The following IGF2BP2 variants were observed in gnomAD, a reference collection of about 807,000 sequenced individuals.
IGF2BP2 encodes the protein insulin-like growth factor 2 mRNA-binding protein 2.
A neutral mutation model predicts 75.8 loss-of-function variants in IGF2BP2; 17 were observed. That is an observed-to-expected ratio of 0.22 (90% confidence interval 0.15 to 0.34). The LOEUF is 0.34. IGF2BP2 is among the 10% of genes least tolerant of loss of function. The pLI is 1.00. For missense variants in IGF2BP2, 516 were observed against 772.4 expected, an observed-to-expected ratio of 0.67 and a Z score of 3.93; for synonymous variants, 288 against 295.6, an observed-to-expected ratio of 0.97 and a Z score of 0.26.
chr3:185,812,184 C>T (rs1739983537), intron 2 of IGF2BP2, among the ~76,000 whole-genome samples: 1 of 152,148 alleles, frequency 6.6e-6, no homozygotes, highest in African/African-American at 2.4e-5. Context: ...CCTTACACAA[C>T]AGATAAGAGG....
chr3:185,758,360 C>G (rs1378293867), intron 2 of IGF2BP2, among the ~76,000 whole-genome samples: 1 of 152,194 alleles, frequency 6.6e-6, no homozygotes, highest in Non-Finnish European at 1.5e-5. Context: ...GGCTTCGGAA[C>G]TAAGAAAACC....
chr3:185,815,124 C>G lies in IGF2BP2; in HGVS notation c.239+8029G>C, dbSNP rs150969470. On this transcript the variant is annotated intron_variant, in intron 2 of 15. Coordinates refer to ENST00000382199, the MANE Select transcript of IGF2BP2 (RefSeq NM_006548.6). ...ACTGCATACATGTATGTTTTTTACA[C>G]TTAACTGTCAACCACAATGATTTTT... 1.0e-3 allele frequency among the ~76,000 whole-genome samples: 157 copies of G among 152,158 alleles called. 1 individual carries two copies. Among genetic ancestry groups the G allele is most frequent in the African/African-American group, 3.6e-3 (148 of 41,516 alleles).
intron 2 of IGF2BP2, among the ~76,000 whole-genome samples, chr3:185,763,990 A>G (rs1423968634): frequency 6.6e-6 from 1 of 152,150 alleles, no homozygotes; most frequent in Non-Finnish European, 1.5e-5. Flanking sequence ...GGGCAGAGAG[A>G]GAAGAGGGTG....
At chr3:185,681,791 AG>A (rs1241647862) in intron 7 of IGF2BP2, among the ~76,000 whole-genome samples, 1 of 152,242 alleles carries the variant, frequency 6.6e-6, no homozygotes, top group Admixed American at 6.5e-5. Context: ...ATTTTTGATA[AG>A]GTGCTGAGAC....
At chr3:185,760,396 T>G (rs1002826477) in intron 2 of IGF2BP2, among the ~76,000 whole-genome samples, 3 of 152,210 alleles carry the variant, frequency 2.0e-5, no homozygotes, top group Admixed American at 6.5e-5. Context: ...TATTGAGATG[T>G]AATTCACATC....
intron 11 of IGF2BP2, 79 bp from the exon 12 acceptor site, chr3:185,657,481 T>C: frequency 9.1e-7 from 1 of 1,098,618 alleles, no homozygotes; most frequent in Non-Finnish European, 1.4e-6. Context: ...ACCAAGCACC[T>C]TACCATGAAC....
chr3:185,731,622 G>C (rs952972627), intron 2 of IGF2BP2, among the ~76,000 whole-genome samples: 1 of 152,144 alleles, frequency 6.6e-6, no homozygotes, highest in African/African-American at 2.4e-5. Context: ...TTCTCGGCAA[G>C]TAAGTTTCAA....
At chr3:185,755,099 CAT>C (rs2149660173) in intron 2 of IGF2BP2, among the ~76,000 whole-genome samples, 1 of 152,324 alleles carries the variant, frequency 6.6e-6, no homozygotes, top group East Asian at 1.9e-4. Context: ...GCCTCAAAGC[CAT>C]TTCAGAAATC....
At chr3:185,696,028 C>T (rs1310442224) in intron 4 of IGF2BP2, among the ~76,000 whole-genome samples, 1 of 152,212 alleles carries the variant, frequency 6.6e-6, no homozygotes, top group Non-Finnish European at 1.5e-5. Context: ...CTCATGTGAT[C>T]TGCCCACCTG....
intron 2 of IGF2BP2, among the ~76,000 whole-genome samples, chr3:185,734,239 T>C (rs1282947153): frequency 6.6e-6 from 1 of 152,176 alleles, no homozygotes; most frequent in African/African-American, 2.4e-5. Flanking sequence ...ATACTTTATC[T>C]CATTCAATTC....
At chr3:185,686,137 A>C in intron 7 of IGF2BP2, among the ~76,000 whole-genome samples, 1 of 152,128 alleles carries the variant, frequency 6.6e-6, no homozygotes, top group East Asian at 1.9e-4. Context: ...TAATCCCAGC[A>C]CTTTGGGAGG....
intron 14 of IGF2BP2, 37 bp downstream of exon 14, chr3:185,649,366 T>A (rs1714168675): frequency 1.4e-5 from 22 of 1,608,942 alleles, no homozygotes; most frequent in Non-Finnish European, 1.9e-5. Flanking sequence ...GCGGGGAATC[T>A]GACCCAGGTG....
rs1299919668 is a variant in IGF2BP2, at chr3:185,825,036, TCTC to T, written c.-79_-77del. ...CCTCGCCTCCTCCGCTGCCCTCGTC[TCTC>T]CTCCTCCTCCGCCCCCCCTCCCCGC... On this transcript the variant is annotated 5_prime_UTR_variant, in exon 1 of 16. Coordinates refer to ENST00000382199, the MANE Select transcript of IGF2BP2 (RefSeq NM_006548.6). 166 of 1,215,924 alleles carry T rather than the reference TCTC, an allele frequency of 1.4e-4. No homozygotes were observed. Among genetic ancestry groups the T allele is most frequent in the South Asian group, 2.3e-4 (12 of 53,060 alleles). The allele number at this position is 1,215,924 out of a possible 1,614,324, so 75.3% of individuals were successfully genotyped here.
In IGF2BP2 at chr3:185,681,717, C is replaced by T. The variant is rs1720413675; in HGVS notation, c.812+5340G>A. Among the ~76,000 whole-genome samples, 2 of 152,098 alleles carry T rather than the reference C, an allele frequency of 1.3e-5. 1 individual carries two copies. The highest frequency in any genetic ancestry group is 4.1e-4 in the South Asian group (2 of 4,828). ...AAACAGTGTAGTACTGGCATAAAAA[C>T]AGATAAATAGACCAATGAAATAGAA... On this transcript the variant is annotated intron_variant, in intron 7 of 15. Coordinates refer to ENST00000382199, the MANE Select transcript of IGF2BP2 (RefSeq NM_006548.6).
chr3:185,764,578 G>C (rs1270379985), intron 2 of IGF2BP2, among the ~76,000 whole-genome samples: 1 of 152,210 alleles, frequency 6.6e-6, no homozygotes, highest in Non-Finnish European at 1.5e-5. Flanking sequence ...AGGAAGGGGA[G>C]TCTTGTCTTG....
rs1336648729 is a variant in IGF2BP2, at chr3:185,823,558, GC to G, written c.179-346del. ...CTGGCGCGGCCCCGCTGCTCTCCCGGCCCCCACCTCTCCATTCCGCTAATCC... is the reference window on the plus strand; with the variant it reads ...CTGGCGCGGCCCCGCTGCTCTCCCGGCCCCACCTCTCCATTCCGCTAATCC... On this transcript the variant is annotated intron_variant, in intron 1 of 15. Transcript: ENST00000382199. Among the ~76,000 whole-genome samples the G allele has an allele frequency of 2.0e-5, 3 of 152,094 alleles. No individual in the cohort carries two copies. The South Asian group carries it at 6.2e-4, about 31-fold the overall frequency.
intron 2 of IGF2BP2, among the ~76,000 whole-genome samples, chr3:185,758,670 A>C (rs1478403787): frequency 6.6e-6 from 1 of 152,202 alleles, no homozygotes; most frequent in African/African-American, 2.4e-5. Flanking sequence ...CTTTCGGGAG[A>C]GAGAAAAATA....
intron 10 of IGF2BP2, among the ~76,000 whole-genome samples, chr3:185,662,080 G>C (rs554576526): frequency 3.9e-4 from 59 of 152,260 alleles, no homozygotes; most frequent in Admixed American, 3.8e-3. Context: ...CAGGACAGAC[G>C]CCCTTGACGG....
intron 2 of IGF2BP2, among the ~76,000 whole-genome samples, chr3:185,801,101 T>C (rs1449242730): frequency 6.6e-6 from 1 of 151,474 alleles, no homozygotes; most frequent in African/African-American, 2.4e-5. Context: ...AACAAACATA[T>C]GAAAAAAAGC....
Sources: allele counts gnomAD v4.1 joint callset (sites outside exome capture counted in the v4.1 genomes callset), GRCh38; gene constraint gnomAD v4.1.1; transcripts MANE v1.5; gene names NCBI Gene and HGNC (gene_info 2026-07-23, HGNC 2026-07-21).